The following CHRM2 variants were observed in gnomAD, a reference collection of about 807,000 sequenced individuals.
CHRM2 encodes cholinergic receptor muscarinic 2.
Under a neutral mutation model 25.0 loss-of-function variants are expected in CHRM2, and 8 were observed. The ratio of observed to expected loss-of-function variants is 0.32; its 90% CI spans 0.19 to 0.58. The LOEUF (loss-of-function observed/expected upper bound fraction) is 0.58. CHRM2 is among the 20% of genes least tolerant of loss of function. The probability of loss-of-function intolerance (pLI) is 0.88; values close to 1 mark genes in which losing one functional copy is unlikely to be tolerated. For missense variants in CHRM2, 440 were observed against 567.1 expected, an observed-to-expected ratio of 0.78 and a Z score of 2.28; for synonymous variants, 202 against 205.7, an observed-to-expected ratio of 0.98 and a Z score of 0.15.
intron 2 of CHRM2, among the ~76,000 whole-genome samples, chr7:136,984,492 A>C (rs1802710445): frequency 6.6e-6 from 1 of 152,010 alleles, no homozygotes. Context: ...GGGTAAGAAA[A>C]AAAAAAACTT....
At chr7:136,996,933 G>A (rs1463671077) in intron 3 of CHRM2, among the ~76,000 whole-genome samples, 1 of 152,106 alleles carries the variant, frequency 6.6e-6, no homozygotes, top group Admixed American at 6.6e-5. Flanking sequence ...GAAGAGTTAA[G>A]TATAAAAATC....
chr7:136,947,468 G>A (rs1800137606), intron 2 of CHRM2, among the ~76,000 whole-genome samples: 1 of 152,252 alleles, frequency 6.6e-6, no homozygotes, highest in East Asian at 1.9e-4. Flanking sequence ...TAGACATGTA[G>A]TAAAGTAATT....
At chr7:136,877,983 A>G (rs879909046) in intron 2 of CHRM2, among the ~76,000 whole-genome samples, 2 of 152,044 alleles carry the variant, frequency 1.3e-5, no homozygotes, top group African/African-American at 2.4e-5. Flanking sequence ...TCTATAAAAG[A>G]TAAGCACAGA....
At chr7:136,882,671 A>G (rs543838389) in intron 2 of CHRM2, among the ~76,000 whole-genome samples, 1 of 152,256 alleles carries the variant, frequency 6.6e-6, no homozygotes, top group African/African-American at 2.4e-5. Flanking sequence ...TTTGAAAATA[A>G]AACTTCCTTT....
intron 2 of CHRM2, among the ~76,000 whole-genome samples, chr7:136,938,081 G>C (rs151006520): frequency 3.0e-4 from 46 of 152,300 alleles, no homozygotes; most frequent in African/African-American, 1.1e-3. Context: ...CATTTCTGGA[G>C]TTGGGAATTG....
chr7:136,954,467 A>T (rs1013292251), intron 2 of CHRM2, among the ~76,000 whole-genome samples: 1 of 152,142 alleles, frequency 6.6e-6, no homozygotes, highest in Non-Finnish European at 1.5e-5. Context: ...AGATCTTACT[A>T]AATTGTAGAT....
chr7:136,990,318 A>G (rs1316677158), intron 2 of CHRM2, among the ~76,000 whole-genome samples: 1 of 152,098 alleles, frequency 6.6e-6, no homozygotes. Flanking sequence ...ACCCATCATT[A>G]TATTATATGG....
chr7:136,882,523 AATG>A (rs1796306309), intron 2 of CHRM2, among the ~76,000 whole-genome samples: 1 of 151,920 alleles, frequency 6.6e-6, no homozygotes, highest in Non-Finnish European at 1.5e-5. Flanking sequence ...ATGTTTATTT[AATG>A]ATACTTTATG....
At chr7:136,884,993 A>C (rs1278781672) in intron 2 of CHRM2, among the ~76,000 whole-genome samples, 2 of 152,180 alleles carry the variant, frequency 1.3e-5, no homozygotes, top group Non-Finnish European at 2.9e-5. Flanking sequence ...TGAGCTCCCC[A>C]AGCTTACAGA....
intron 2 of CHRM2, among the ~76,000 whole-genome samples, chr7:136,930,009 G>A (rs918368952): frequency 6.6e-6 from 1 of 152,022 alleles, no homozygotes; most frequent in Non-Finnish European, 1.5e-5. Flanking sequence ...TGGATTGAAT[G>A]TTTCATTAAT....
intron 2 of CHRM2, among the ~76,000 whole-genome samples, chr7:136,891,069 GA>G (rs1796672470): frequency 1.3e-5 from 2 of 152,168 alleles, no homozygotes; most frequent in Non-Finnish European, 2.9e-5. Flanking sequence ...TAGAGTTACA[GA>G]AATATTGCAA....
chr7:136,991,378 G>T (rs566173709), intron 2 of CHRM2, among the ~76,000 whole-genome samples: 1 of 152,170 alleles, frequency 6.6e-6, no homozygotes, highest in South Asian at 2.1e-4. Flanking sequence ...AGCATAATTT[G>T]TTGAAAAGAC....
At chr7:136,936,121 G>A (rs17412792) in intron 2 of CHRM2, among the ~76,000 whole-genome samples, 36,161 of 151,810 alleles carry the variant, frequency 0.24, 5,645 homozygotes, top group Non-Finnish European at 0.35. Context: ...TTTGGGTAGC[G>A]GAGATATTTT....
At chr7:136,943,108 G>C in intron 2 of CHRM2, among the ~76,000 whole-genome samples, 1 of 152,264 alleles carries the variant, frequency 6.6e-6, no homozygotes, top group South Asian at 2.1e-4. Flanking sequence ...GAAGCTCCCT[G>C]TTTTGCAGTG....
chr7:136,971,034 G>A (rs775499177), intron 2 of CHRM2, among the ~76,000 whole-genome samples: 4 of 152,090 alleles, frequency 2.6e-5, no homozygotes, highest in Non-Finnish European at 5.9e-5. Flanking sequence ...TCCATTATCT[G>A]GCAATAATAA....
intron 2 of CHRM2, among the ~76,000 whole-genome samples, chr7:136,979,601 C>A (rs954293883): frequency 1.3e-5 from 2 of 152,078 alleles, no homozygotes; most frequent in African/African-American, 4.8e-5. Flanking sequence ...AATCTTTAAT[C>A]CATCTTGAGT....
In CHRM2 at chr7:137,016,382, C is replaced by A. The variant is rs1276348307; in HGVS notation, c.*116C>A. 8.7e-7 allele frequency: 1 copy of A among 1,150,628 alleles called. No individual in the cohort carries two copies. The highest frequency in any genetic ancestry group is 1.3e-6 in the Non-Finnish European group (1 of 786,760). 71.3% of individuals were successfully genotyped at this position (1,150,628 alleles called of 1,614,324 possible). A position where few individuals can be genotyped will look rare whatever the true frequency, so the allele number is the denominator to read the frequency against. Reference sequence around the variant, plus strand: ...TGCACTTTATAGTCTGATTACAAAACGTGCAATTCAGGAGCCCAGCAGTGA... The same window carrying A: ...TGCACTTTATAGTCTGATTACAAAAAGTGCAATTCAGGAGCCCAGCAGTGA... On this transcript the variant is annotated 3_prime_UTR_variant, in exon 4 of 4. Transcript: ENST00000680005.
At chr7:136,983,063 C>T (rs1469856356) in intron 2 of CHRM2, among the ~76,000 whole-genome samples, 4 of 152,220 alleles carry the variant, frequency 2.6e-5, no homozygotes, top group African/African-American at 4.8e-5. Context: ...TTCTCCCCAT[C>T]ACTTTTAGGT....
intron 2 of CHRM2, 95 bp from the exon 3 acceptor site, chr7:136,992,092 A>T (rs1334282992): frequency 1.3e-5 from 2 of 152,054 alleles, no homozygotes; most frequent in Non-Finnish European, 1.5e-5. Context: ...CCAGTTTAGG[A>T]TCTGTCCTTG....
Sources: allele counts gnomAD v4.1 joint callset (sites outside exome capture counted in the v4.1 genomes callset), GRCh38; gene constraint gnomAD v4.1.1; transcripts MANE v1.5; gene names NCBI Gene and HGNC (gene_info 2026-07-23, HGNC 2026-07-21).